DLG2: variants seen among roughly 807,000 people sequenced by gnomAD.
The protein encoded by DLG2 is disks large homolog 2.
A neutral mutation model predicts 132.5 loss-of-function variants in DLG2; 45 were observed. The observed-to-expected ratio is 0.34, with a 90% CI of 0.27 to 0.44. The LOEUF (loss-of-function observed/expected upper bound fraction) is 0.44. Among genes scored for constraint, DLG2 ranks in the 20% least tolerant of loss-of-function variants. DLG2 has a pLI of 1.00. For missense variants in DLG2, 1,045 were observed against 1,196.9 expected (o/e 0.87, Z 1.87); for synonymous variants, 424 against 419.6 (o/e 1.01, Z -0.13).
chr11:83,742,283 C>CTA (rs1247785001), intron 18 of DLG2, among the ~76,000 whole-genome samples: 3 of 151,276 alleles, frequency 2.0e-5, no homozygotes, highest in African/African-American at 7.3e-5. Context: ...ATTTGACTGA[C>CTA]TGTAGTAATA....
intron 7 of DLG2, among the ~76,000 whole-genome samples, chr11:84,526,911 T>A (rs905503717): frequency 4.0e-5 from 6 of 151,784 alleles, no homozygotes; most frequent in African/African-American, 1.5e-4. Flanking sequence ...CCCGAGTAGC[T>A]GGGACTACAG....
chr11:84,375,291 C>G (rs75043738), intron 7 of DLG2, among the ~76,000 whole-genome samples: 1 of 152,084 alleles, frequency 6.6e-6, no homozygotes, highest in Admixed American at 6.6e-5. Flanking sequence ...GCACATGATA[C>G]AAGACATATG....
At chr11:84,028,015 A>G (rs746138582) in intron 11 of DLG2, among the ~76,000 whole-genome samples, 1 of 151,994 alleles carries the variant, frequency 6.6e-6, no homozygotes, top group South Asian at 2.1e-4. Context: ...AGTATAACCA[A>G]TGTATTTTCT....
intron 3 of DLG2, among the ~76,000 whole-genome samples, chr11:85,450,176 C>A (rs976687168): frequency 1.3e-4 from 20 of 152,076 alleles, no homozygotes; most frequent in African/African-American, 4.6e-4. Flanking sequence ...ATCAGGGCAG[C>A]CTTTGTGGTT....
intron 6 of DLG2, among the ~76,000 whole-genome samples, chr11:84,743,911 A>C (rs868066592): frequency 6.6e-6 from 1 of 152,114 alleles, no homozygotes; most frequent in Non-Finnish European, 1.5e-5. Context: ...TTTTTAGTAC[A>C]GATGGGGTTT....
chr11:83,779,879 T>A (rs529716581), intron 18 of DLG2, among the ~76,000 whole-genome samples: 3 of 152,332 alleles, frequency 2.0e-5, no homozygotes, highest in Admixed American at 6.5e-5. Context: ...GCGACAAAAC[T>A]TTCAAGTAAT....
At chr11:85,124,863 C>T (rs2074881333) in intron 5 of DLG2, among the ~76,000 whole-genome samples, 1 of 149,772 alleles carries the variant, frequency 6.7e-6, no homozygotes, top group South Asian at 2.1e-4. Flanking sequence ...CGGAGTCTCG[C>T]TGTGTCGCCC....
Position 85,033,929 on chromosome 11 carries a change from C to T in DLG2, c.357+77732G>A, listed in dbSNP as rs149322591. Reference sequence around the variant, plus strand: ...AAAAAAATAAAACTTTTTGCAGTGGCGTACAATTGGAATACTAATTTCATG... The same window carrying T: ...AAAAAAATAAAACTTTTTGCAGTGGTGTACAATTGGAATACTAATTTCATG... On this transcript the variant is annotated intron_variant, in intron 6 of 27. Coordinates refer to ENST00000376104, the MANE Select transcript of DLG2 (RefSeq NM_001142699.3). 5.5e-4 allele frequency among the ~76,000 whole-genome samples: 84 copies of T among 152,118 alleles called. No homozygotes were observed. The East Asian group carries it at 0.015, about 27-fold the overall frequency.
chr11:84,414,320 G>A (rs941721778), intron 7 of DLG2, among the ~76,000 whole-genome samples: 2 of 152,130 alleles, frequency 1.3e-5, no homozygotes, highest in Admixed American at 6.6e-5. Flanking sequence ...ACTGAACTGT[G>A]ATAAACTACT....
intron 11 of DLG2, among the ~76,000 whole-genome samples, chr11:84,023,760 T>C (rs1452985982): frequency 1.3e-5 from 2 of 152,148 alleles, no homozygotes; most frequent in African/African-American, 4.8e-5. Flanking sequence ...GGATATACTC[T>C]TCTATTTATT....
At chr11:85,293,981 C>T (rs190940650) in intron 3 of DLG2, among the ~76,000 whole-genome samples, 3 of 152,038 alleles carry the variant, frequency 2.0e-5, no homozygotes, top group Non-Finnish European at 4.4e-5. Context: ...GTGGCTAATA[C>T]CTGTAATTCC....
intron 7 of DLG2, among the ~76,000 whole-genome samples, chr11:84,348,694 T>C (rs1417550724): frequency 6.6e-6 from 1 of 152,172 alleles, no homozygotes; most frequent in East Asian, 1.9e-4. Context: ...TACTTGGAAA[T>C]AGAGTCTTTG....
At chr11:84,546,601 T>A in intron 6 of DLG2, 1 of 485,002 alleles carries the variant, frequency 2.1e-6, no homozygotes, top group East Asian at 5.2e-5. Context: ...GTTCCACGAC[T>A]CTCTCATACC....
Position 84,743,976 on chromosome 11 carries a change from G to A in DLG2, c.358-209245C>T, listed in dbSNP as rs1401336425. Among the ~76,000 whole-genome samples the A allele has an allele frequency of 2.6e-5, 4 of 152,160 alleles. No individual in the cohort carries two copies. In the East Asian group the frequency reaches 5.8e-4, roughly 22 times the overall value. ...CCTGACCTCGTGATCCACCTGTCTC[G>A]GCCTCCCAAAGTACTGGAATTACAG... is the stretch of plus-strand genomic sequence containing the variant. On this transcript the variant is annotated intron_variant, in intron 6 of 27. Coordinates refer to ENST00000376104, the MANE Select transcript of DLG2 (RefSeq NM_001142699.3).
intron 6 of DLG2, among the ~76,000 whole-genome samples, chr11:84,604,511 A>T (rs2099582093): frequency 6.6e-6 from 1 of 151,956 alleles, no homozygotes. Flanking sequence ...ACTGGCATTC[A>T]TTTCATCTTC....
intron 3 of DLG2, among the ~76,000 whole-genome samples, chr11:85,587,785 A>G (rs2153231109): frequency 6.6e-6 from 1 of 152,256 alleles, no homozygotes; most frequent in Admixed American, 6.5e-5. Context: ...AGTGTTTAAT[A>G]GGCCCTGTGA....
At chr11:84,190,526 T>C (rs141837860) in intron 8 of DLG2, among the ~76,000 whole-genome samples, 1 of 152,364 alleles carries the variant, frequency 6.6e-6, no homozygotes, top group East Asian at 1.9e-4. Context: ...GAACTTATTA[T>C]GTAAGTCATG....
chr11:84,060,501 C>T (rs7952517), intron 10 of DLG2, among the ~76,000 whole-genome samples: 120,212 of 150,956 alleles, frequency 0.8, 49,054 homozygotes, highest in Middle Eastern at 0.92. Flanking sequence ...ACTTTGAAAA[C>T]TAAGAACCAC....
At chr11:84,738,924 A>G (rs2064226159) in intron 6 of DLG2, among the ~76,000 whole-genome samples, 1 of 152,180 alleles carries the variant, frequency 6.6e-6, no homozygotes, top group African/African-American at 2.4e-5. Context: ...GTATTGTTCC[A>G]ATTGAAAGGC....
Sources: gnomAD v4.1 joint callset for allele counts (sites outside exome capture counted in the v4.1 genomes callset) on GRCh38, gnomAD v4.1.1 for gene constraint, MANE v1.5 for transcripts, NCBI Gene and HGNC (gene_info 2026-07-23, HGNC 2026-07-21) for gene names.